AGBL4: variants seen among roughly 807,000 people sequenced by gnomAD.
AGBL4 encodes AGBL carboxypeptidase 4, also known as cytosolic carboxypeptidase 6.
In AGBL4, 58 loss-of-function variants were observed where a neutral mutation model predicts 66.4. That is an observed-to-expected ratio of 0.87 (90% CI 0.71 to 1.09). The LOEUF is 1.09. Ranked by LOEUF, AGBL4 falls within the 50% of genes least tolerant of loss-of-function variation. The pLI is 0.00. For missense variants in AGBL4, 579 were observed against 631.0 expected, an observed-to-expected ratio of 0.92 and a Z score of 0.88; for synonymous variants, 234 against 222.9, an observed-to-expected ratio of 1.05 and a Z score of -0.44.
intron 6 of AGBL4, among the ~76,000 whole-genome samples, chr1:48,710,420 G>A (rs530567264): frequency 7.2e-5 from 11 of 152,340 alleles, no homozygotes; most frequent in African/African-American, 2.4e-4. Flanking sequence ...GCTGCCCAAA[G>A]AAATGCAGGA....
intron 3 of AGBL4, among the ~76,000 whole-genome samples, chr1:49,372,575 G>A (rs1226775946): frequency 1.3e-5 from 2 of 151,606 alleles, no homozygotes; most frequent in African/African-American, 4.8e-5. Flanking sequence ...TTAAAGCCCA[G>A]TTCAATCTTT....
chr1:49,259,872 C>A (rs1168552311), intron 3 of AGBL4, among the ~76,000 whole-genome samples: 2 of 140,124 alleles, frequency 1.4e-5, no homozygotes, highest in Non-Finnish European at 3.1e-5. Flanking sequence ...CAGCACCACA[C>A]CACACCTATT....
chr1:48,839,352 C>T (rs774372810), intron 6 of AGBL4, among the ~76,000 whole-genome samples: 4 of 151,974 alleles, frequency 2.6e-5, no homozygotes, highest in Admixed American at 1.3e-4. Context: ...TGTATATATA[C>T]ACACATATAT....
At chr1:49,597,400 C>T (rs1018347625) in intron 3 of AGBL4, among the ~76,000 whole-genome samples, 2 of 152,152 alleles carry the variant, frequency 1.3e-5, no homozygotes, top group Non-Finnish European at 2.9e-5. Context: ...GGGGTCCTAA[C>T]TAAGTTTGGG....
At chr1:48,748,904 G>A (rs78432620) in intron 6 of AGBL4, among the ~76,000 whole-genome samples, 2 of 152,020 alleles carry the variant, frequency 1.3e-5, no homozygotes, top group African/African-American at 4.8e-5. Context: ...AGAGGCAGGA[G>A]AAAAAAATTC....
At chr1:49,267,682 A>G (rs1261565216) in intron 3 of AGBL4, among the ~76,000 whole-genome samples, 1 of 152,082 alleles carries the variant, frequency 6.6e-6, no homozygotes, top group Non-Finnish European at 1.5e-5. Flanking sequence ...TCTGTCCCAA[A>G]AAAAAAAGAC....
At chr1:49,450,867 G>A (rs544075067) in intron 3 of AGBL4, among the ~76,000 whole-genome samples, 43 of 152,132 alleles carry the variant, frequency 2.8e-4, no homozygotes, top group Non-Finnish European at 3.4e-4. Context: ...ATCTGTATTC[G>A]TTTTCCATTG....
rs536641126 is a variant in AGBL4, at chr1:49,977,301, T to C, written c.34+46462A>G. On this transcript the variant is annotated intron_variant, in intron 1 of 13. Coordinates refer to ENST00000371839, the MANE Select transcript of AGBL4 (RefSeq NM_032785.4). ...TTCATGAGCTTCACCTCCCATCTTC[T>C]ATGGGCTTCACCTCTCGTCTTCCAT... is the stretch of plus-strand genomic sequence containing the variant. Among the ~76,000 whole-genome samples the C allele has an allele frequency of 6.0e-5, 9 of 149,508 alleles. No homozygotes were observed. The South Asian group carries it at 1.1e-3, about 18-fold the overall frequency.
chr1:48,815,813 G>A (rs761087228), intron 6 of AGBL4, among the ~76,000 whole-genome samples: 9 of 152,136 alleles, frequency 5.9e-5, no homozygotes, highest in Non-Finnish European at 8.8e-5. Flanking sequence ...AGGCAGATGG[G>A]TTAAGAGTTC....
At chr1:49,398,869 T>C (rs1570621553) in intron 3 of AGBL4, among the ~76,000 whole-genome samples, 1 of 152,322 alleles carries the variant, frequency 6.6e-6, no homozygotes, top group Admixed American at 6.5e-5. Context: ...CTTTTAGTTA[T>C]TTTTAAAATG....
intron 4 of AGBL4, among the ~76,000 whole-genome samples, chr1:49,210,147 C>T (rs1570078937): frequency 6.6e-6 from 1 of 152,064 alleles, no homozygotes; most frequent in South Asian, 2.1e-4. Flanking sequence ...CTAGATTGAG[C>T]TCCTTTTCAT....
chr1:49,799,866 A>T (rs1644818297), intron 2 of AGBL4, among the ~76,000 whole-genome samples: 1 of 152,132 alleles, frequency 6.6e-6, no homozygotes, highest in Non-Finnish European at 1.5e-5. Flanking sequence ...TGCCACAGTG[A>T]CCCAGATGGA....
At chr1:49,001,339 A>G (rs1661379406) in intron 5 of AGBL4, among the ~76,000 whole-genome samples, 1 of 152,248 alleles carries the variant, frequency 6.6e-6, no homozygotes, top group African/African-American at 2.4e-5. Context: ...TATATGCCAG[A>G]GTTCATAAAA....
intron 3 of AGBL4, among the ~76,000 whole-genome samples, chr1:49,510,934 T>C (rs1273242548): frequency 2.0e-5 from 3 of 151,114 alleles, no homozygotes; most frequent in Non-Finnish European, 4.4e-5. Flanking sequence ...TTCTGTTCCA[T>C]TGATCTATAT....
intron 3 of AGBL4, among the ~76,000 whole-genome samples, chr1:49,636,858 T>G (rs1027914060): frequency 6.6e-6 from 1 of 152,118 alleles, no homozygotes; most frequent in Non-Finnish European, 1.5e-5. Context: ...TTGATTGGAT[T>G]GAAAGATGAA....
intron 1 of AGBL4, among the ~76,000 whole-genome samples, chr1:49,870,725 C>T (rs992787869): frequency 1.3e-5 from 2 of 151,722 alleles, no homozygotes; most frequent in African/African-American, 4.8e-5. Flanking sequence ...TTGCTAAGCA[C>T]ATGAAAAGAT....
intron 5 of AGBL4, among the ~76,000 whole-genome samples, chr1:48,984,864 G>A (rs1314345707): frequency 1.3e-5 from 2 of 151,842 alleles, no homozygotes; most frequent in Non-Finnish European, 2.9e-5. Flanking sequence ...TCTGGGCTGA[G>A]GAAATGTAGA....
chr1:48,594,216 C>T (rs540339139), intron 9 of AGBL4, among the ~76,000 whole-genome samples: 6 of 152,062 alleles, frequency 3.9e-5, no homozygotes, highest in East Asian at 1.9e-4. Context: ...CCTAGCTACT[C>T]GGGAGGCTGA....
At chr1:49,735,181 G>T (rs1045900506) in intron 2 of AGBL4, among the ~76,000 whole-genome samples, 1 of 151,764 alleles carries the variant, frequency 6.6e-6, no homozygotes, top group Non-Finnish European at 1.5e-5. Flanking sequence ...AATACCAAAC[G>T]TTTTTTGCAG....
Sources: gnomAD v4.1 joint callset for allele counts (sites outside exome capture counted in the v4.1 genomes callset) on GRCh38, gnomAD v4.1.1 for gene constraint, MANE v1.5 for transcripts, NCBI Gene and HGNC (gene_info 2026-07-23, HGNC 2026-07-21) for gene names.